The following LRP1B variants were observed in gnomAD, a reference collection of about 807,000 sequenced individuals.
LRP1B encodes LDL receptor related protein 1B.
In LRP1B, 217 loss-of-function variants were observed where a neutral mutation model predicts 556.6. The ratio of observed to expected loss-of-function variants is 0.39; its 90% CI spans 0.35 to 0.44. The LOEUF (loss-of-function observed/expected upper bound fraction) is 0.44. Ranked by LOEUF, LRP1B falls within the 20% of genes least tolerant of loss-of-function variation. LRP1B has a pLI of 1.00. For missense variants in LRP1B, 5,053 were observed against 5,620.8 expected, an observed-to-expected ratio of 0.90 and a Z score of 3.23; for synonymous variants, 2,047 against 1,865.8, an observed-to-expected ratio of 1.10 and a Z score of -2.50.
chr2:140,426,699 G>C (rs372047690), intron 66 of LRP1B, among the ~76,000 whole-genome samples: 2 of 151,942 alleles, frequency 1.3e-5, no homozygotes, highest in Non-Finnish European at 2.9e-5. Context: ...ATCTTCCTTC[G>C]CTGACTCTTT....
intron 55 of LRP1B, 34 bp from the exon 56 acceptor site, chr2:140,495,782 A>G (rs772538757): frequency 5.8e-6 from 9 of 1,543,004 alleles, no homozygotes; most frequent in Non-Finnish European, 8.0e-6. Context: ...ATCAATTCAT[A>G]TCATTGTCAC....
intron 47 of LRP1B, among the ~76,000 whole-genome samples, chr2:140,526,652 T>C (rs1690448895): frequency 6.7e-6 from 1 of 149,562 alleles, no homozygotes; most frequent in Non-Finnish European, 1.5e-5. Flanking sequence ...GGGACCATGC[T>C]GTGTTGATAT....
At chr2:141,756,549 ACACAC>A (rs1694325862) in intron 2 of LRP1B, among the ~76,000 whole-genome samples, 8 of 32,258 alleles carry the variant, frequency 2.5e-4, no homozygotes, top group African/African-American at 4.1e-4. Context: ...CAAATTACAC[ACACAC>A]ACACACACAC....
rs919630986 is a variant in LRP1B at position 140,771,391 on chromosome 2, G to A, written c.5501-385C>T. 7.2e-5 allele frequency among the ~76,000 whole-genome samples: 11 copies of A among 152,144 alleles called. 1 individual carries two copies. The highest frequency in any genetic ancestry group is 3.4e-3 in the Middle Eastern group (1 of 294). On this transcript the variant is annotated intron_variant, in intron 33 of 90. Transcript: ENST00000389484. ...CTTTGCAAGAATATTTTATCCAAAT[G>A]TGTCACATAAATAGCTGTTAAATTA... is the stretch of plus-strand genomic sequence containing the variant.
chr2:142,088,631 TA>T (rs1204616125), intron 1 of LRP1B, among the ~76,000 whole-genome samples: 1 of 152,068 alleles, frequency 6.6e-6, no homozygotes, highest in Non-Finnish European at 1.5e-5. Context: ...TTAACATTAT[TA>T]AAATATCAAT....
intron 3 of LRP1B, among the ~76,000 whole-genome samples, chr2:141,477,141 CAA>C (rs755654151): frequency 1.7e-3 from 108 of 63,026 alleles, no homozygotes; most frequent in Middle Eastern, 0.013. Context: ...AACAAACAAA[CAA>C]AAAAAACCCC....
At chr2:142,078,769 C>T (rs1229179955) in intron 1 of LRP1B, among the ~76,000 whole-genome samples, 1 of 152,050 alleles carries the variant, frequency 6.6e-6, no homozygotes, top group Non-Finnish European at 1.5e-5. Flanking sequence ...CCATGTGTAA[C>T]ACATAATAGG....
rs1699920481 is a variant in LRP1B, at chr2:141,081,455, C to T, written c.1014-19182G>A. ...CAGTGTGAACATGTTTCCCTCCTTCCTCTCTTACGCACTTCGTGTTTCATA... is the reference window on the plus strand; with the variant it reads ...CAGTGTGAACATGTTTCCCTCCTTCTTCTCTTACGCACTTCGTGTTTCATA... On this transcript the variant is annotated intron_variant, in intron 7 of 90. Coordinates refer to ENST00000389484, the MANE Select transcript of LRP1B (RefSeq NM_018557.3). 2.0e-5 allele frequency among the ~76,000 whole-genome samples: 3 copies of T among 152,284 alleles called. No individual in the cohort carries two copies. The East Asian group carries it at 5.8e-4, about 29-fold the overall frequency.
intron 18 of LRP1B, among the ~76,000 whole-genome samples, chr2:140,973,081 T>TATATATATATATATATATATATATATA (rs1573939260): frequency 7.1e-6 from 1 of 140,044 alleles, no homozygotes; most frequent in Non-Finnish European, 1.6e-5. Context: ...TATATATATA[T>TATATATATATATATATATATATATATA]TTCTAAACAC....
chr2:140,923,036 C>G lies in LRP1B; in HGVS notation c.3248G>C (p.Ser1083Thr), dbSNP rs1384304894. 1.9e-6 allele frequency: 3 copies of G among 1,613,100 alleles called. No individual in the cohort carries two copies. Among genetic ancestry groups the G allele is most frequent in the African/African-American group, 1.3e-5 (1 of 74,860 alleles). The change falls in exon 21 of 91, where the codon AGT becomes ACT. Residue 1083 changes from serine (S) to threonine (T), a missense_variant. By Grantham distance (58) the Ser-to-Thr change is moderately conservative. Around this residue, in one of 5 missense-constraint regions of LRP1B, gnomAD observed 3,619 missense variants for 3,931.9 expected, o/e 0.92. Coordinates refer to ENST00000389484, the MANE Select transcript of LRP1B (RefSeq NM_018557.3). Reference sequence around the variant, plus strand: ...GGTACCATTGCAACCTTTTTCATCACTACCATCTTCACAGTCTTTTTCTCC... The same window carrying G: ...GGTACCATTGCAACCTTTTTCATCAGTACCATCTTCACAGTCTTTTTCTCC... Reference protein sequence around the residue: ...CDGEKDCEDGSDEKGCNGTIR... With the variant: ...CDGEKDCEDGTDEKGCNGTIR...
intron 2 of LRP1B, among the ~76,000 whole-genome samples, chr2:141,624,216 C>T (rs1385624137): frequency 6.6e-6 from 1 of 151,780 alleles, no homozygotes; most frequent in Non-Finnish European, 1.5e-5. Flanking sequence ...TTTTTATTCA[C>T]CCAAACAAAA....
intron 2 of LRP1B, among the ~76,000 whole-genome samples, chr2:141,591,056 C>T (rs565691008): frequency 9.2e-5 from 14 of 152,324 alleles, no homozygotes; most frequent in Admixed American, 8.5e-4. Context: ...TACCTCTGCC[C>T]TCCTGACTGT....
chr2:141,118,856 T>C (rs763329800), intron 7 of LRP1B, among the ~76,000 whole-genome samples: 4 of 151,680 alleles, frequency 2.6e-5, no homozygotes, highest in Admixed American at 6.6e-5. Context: ...TTCTCAAAGC[T>C]CAAAACAGAC....
chr2:141,266,526 T>C (rs111783822), intron 3 of LRP1B, among the ~76,000 whole-genome samples: 18,550 of 152,086 alleles, frequency 0.12, 1,274 homozygotes, highest in Admixed American at 0.18. Context: ...AGTAACAATT[T>C]TTTTTAAAAA....
chr2:141,620,238 C>T (rs1016697242), intron 2 of LRP1B, among the ~76,000 whole-genome samples: 1 of 152,222 alleles, frequency 6.6e-6, no homozygotes, highest in African/African-American at 2.4e-5. Context: ...CATGCCCAGC[C>T]ATAACTGGCA....
At chr2:140,780,591 A>G (rs900585471) in intron 32 of LRP1B, among the ~76,000 whole-genome samples, 3 of 152,188 alleles carry the variant, frequency 2.0e-5, no homozygotes, top group South Asian at 2.1e-4. Flanking sequence ...CTCGGACCCA[A>G]TGGGTCTTGA....
At chr2:141,649,719 T>G (rs1406305843) in intron 2 of LRP1B, among the ~76,000 whole-genome samples, 1 of 152,234 alleles carries the variant, frequency 6.6e-6, no homozygotes, top group Non-Finnish European at 1.5e-5. Context: ...ACCTTCATAT[T>G]CATCACTTTA....
intron 3 of LRP1B, among the ~76,000 whole-genome samples, chr2:141,270,158 T>A (rs760225678): frequency 6.6e-6 from 1 of 152,030 alleles, no homozygotes; most frequent in Non-Finnish European, 1.5e-5. Flanking sequence ...GATACGCAAA[T>A]TGCCAATAAT....
chr2:140,370,694 C>T lies in LRP1B; in HGVS notation c.11008+16G>A. ...ATTCTCTCATTTACAGGCACACACACACAAAAATACCTTACCTCTTTCACA... is the reference window on the plus strand; with the variant it reads ...ATTCTCTCATTTACAGGCACACACATACAAAAATACCTTACCTCTTTCACA... On this transcript the variant is annotated intron_variant, in intron 71 of 90. Coordinates refer to ENST00000389484, the MANE Select transcript of LRP1B (RefSeq NM_018557.3). The T allele has an allele frequency of 6.2e-7, 1 of 1,611,536 alleles. No homozygotes were observed. Among genetic ancestry groups the T allele is most frequent in the Non-Finnish European group, 8.5e-7 (1 of 1,178,438 alleles).
Sources: gnomAD v4.1 joint callset for allele counts (sites outside exome capture counted in the v4.1 genomes callset) on GRCh38, gnomAD v4.1.1 for gene constraint, gnomAD v4.1.1 regional missense constraint, MANE v1.5 for transcripts, NCBI Gene and HGNC (gene_info 2026-07-23, HGNC 2026-07-21) for gene names.